The following SUV39H2 variants were observed in gnomAD, a reference collection of about 807,000 sequenced individuals.
SUV39H2 encodes histone-lysine N-methyltransferase SUV39H2.
In SUV39H2, 10 loss-of-function variants were observed where a neutral mutation model predicts 47.5. The ratio of observed to expected loss-of-function variants is 0.21; its 90% CI spans 0.13 to 0.36. The LOEUF is 0.36. SUV39H2 is among the 10% of genes least tolerant of loss of function. The pLI, the probability that SUV39H2 is intolerant of heterozygous loss-of-function variation, is 1.00. For synonymous variants in SUV39H2, 159 were observed against 166.8 expected, an observed-to-expected ratio of 0.95 and a Z score of 0.36; for missense variants, 266 against 487.4, an observed-to-expected ratio of 0.55 and a Z score of 4.28.
chr10:14,895,180 A>ATT lies in SUV39H2; in HGVS notation c.178-1653_178-1652dup, dbSNP rs61175237. On this transcript the variant is annotated intron_variant, in intron 2 of 5. Transcript: ENST00000354919. ...TTTTTATCTTTTATTTTTTACTTTTATTTTTTTTTTTTTTGACATGGAGTC... is the reference window on the plus strand; with the variant it reads ...TTTTTATCTTTTATTTTTTACTTTTATTTTTTTTTTTTTTTTGACATGGAGTC... Among the ~76,000 whole-genome samples, 5 of 139,692 alleles carry ATT rather than the reference A, an allele frequency of 3.6e-5. No individual in the cohort carries two copies. The South Asian group carries it at 9.0e-4, about 25-fold the overall frequency. The allele number at this position is 139,692 out of a possible 152,430, so 91.6% of individuals were successfully genotyped here.
intron 5 of SUV39H2, among the ~76,000 whole-genome samples, chr10:14,902,035 C>G (rs970562812): frequency 2.6e-5 from 4 of 152,078 alleles, no homozygotes; most frequent in Non-Finnish European, 5.9e-5. Flanking sequence ...ATTGTCATTG[C>G]TTAACCTCTT....
At position 14,879,051 on chromosome 10, in the gene SUV39H2, G is replaced by A. The variant is rs982244761; in HGVS notation, c.31+132G>A. 5.7e-5 allele frequency: 75 copies of A among 1,315,934 alleles called. No individual in the cohort carries two copies. The African/African-American group carries it at 9.6e-4, about 17-fold the overall frequency. The allele number at this position is 1,315,934 out of a possible 1,614,324, so 81.5% of individuals were successfully genotyped here. Reference sequence around the variant, plus strand: ...CCCCGCCCGCCGCGACCCCAACTCCGGGACGCACGCTGCGGACGCCTATCC... The same window carrying A: ...CCCCGCCCGCCGCGACCCCAACTCCAGGACGCACGCTGCGGACGCCTATCC... On this transcript the variant is annotated intron_variant, in intron 1 of 5. Transcript: ENST00000354919.
chr10:14,902,348 AT>A, intron 5 of SUV39H2, 57 bp from the exon 6 acceptor site: 1 of 1,259,542 alleles, frequency 7.9e-7, no homozygotes, highest in Non-Finnish European at 1.1e-6. Flanking sequence ...AAAATTTGAA[AT>A]TTATTCTAAA....
intron 2 of SUV39H2, among the ~76,000 whole-genome samples, chr10:14,891,259 G>A (rs914237160): frequency 1.3e-5 from 2 of 152,150 alleles, no homozygotes; most frequent in African/African-American, 4.8e-5. Context: ...CAAAAGGCCT[G>A]GCAAGTTGTT....
Position 14,902,596 on chromosome 10 carries a change from T to G in SUV39H2, c.*84T>G. 1 of 815,304 alleles carries G rather than the reference T, an allele frequency of 1.2e-6. No homozygotes were observed. The highest frequency in any genetic ancestry group is 1.8e-6 in the Non-Finnish European group (1 of 542,540). 50.5% of individuals were successfully genotyped at this position (815,304 alleles called of 1,614,324 possible). On this transcript the variant is annotated 3_prime_UTR_variant, in exon 6 of 6. Coordinates refer to ENST00000354919, the MANE Select transcript of SUV39H2 (RefSeq NM_001193424.2). ...TAAAAATACATATTTGGGACTCTTA[T>G]TATCAAGGTTCTACCTATGTTAATT... is the stretch of plus-strand genomic sequence containing the variant.
At chr10:14,889,701 A>G (rs560344315) in intron 2 of SUV39H2, among the ~76,000 whole-genome samples, 3 of 152,326 alleles carry the variant, frequency 2.0e-5, no homozygotes, top group Non-Finnish European at 4.4e-5. Flanking sequence ...GGGAACCTTG[A>G]GCAAAGTGGA....
chr10:14,898,798 T>A (rs1833785676), intron 3 of SUV39H2: 1 of 158,820 alleles, frequency 6.3e-6, no homozygotes, highest in Non-Finnish European at 1.4e-5. Flanking sequence ...AACAAAACCT[T>A]CCATTCCAAA....
chr10:14,888,450 A>G (rs531057033), intron 2 of SUV39H2, among the ~76,000 whole-genome samples: 20 of 152,008 alleles, frequency 1.3e-4, no homozygotes. Flanking sequence ...CCTGGCCAAC[A>G]TGGTGAAACC....
At chr10:14,883,734 C>CAAAAAAAAAAAA in intron 2 of SUV39H2, among the ~76,000 whole-genome samples, 1 of 133,486 alleles carries the variant, frequency 7.5e-6, no homozygotes, top group Admixed American at 7.6e-5. Flanking sequence ...AAAAAAAAAT[C>CAAAAAAAAAAAA]CCACAGATTT....
At chr10:14,886,042 A>G (rs552366677) in intron 2 of SUV39H2, among the ~76,000 whole-genome samples, 25 of 152,256 alleles carry the variant, frequency 1.6e-4, no homozygotes, top group Non-Finnish European at 2.6e-4. Flanking sequence ...CTCTTGTCAT[A>G]TATCCTATTT....
At chr10:14,879,161 G>T in intron 1 of SUV39H2, 7 of 1,204,050 alleles carry the variant, frequency 5.8e-6, no homozygotes, top group East Asian at 3.4e-5. Flanking sequence ...CACTTCGGAA[G>T]TGGAGCGTGG....
chr10:14,879,346 G>A (rs1333727807), intron 1 of SUV39H2, among the ~76,000 whole-genome samples: 2 of 152,210 alleles, frequency 1.3e-5, no homozygotes, highest in African/African-American at 4.8e-5. Context: ...AGTGGGAGGC[G>A]GGAAGCGACG....
At chr10:14,879,657 C>T (rs1238349377) in intron 1 of SUV39H2, among the ~76,000 whole-genome samples, 1 of 152,024 alleles carries the variant, frequency 6.6e-6, no homozygotes, top group African/African-American at 2.4e-5. Context: ...GTCGCGCACG[C>T]TTTGAGAGCC....
intron 2 of SUV39H2, among the ~76,000 whole-genome samples, chr10:14,885,189 G>C (rs1474131697): frequency 6.6e-6 from 1 of 152,044 alleles, no homozygotes; most frequent in South Asian, 2.1e-4. Context: ...ATCTTTCTGA[G>C]GCCTTGAGCC....
chr10:14,897,018 A>G lies in SUV39H2; in HGVS notation c.350A>G (p.Lys117Arg), dbSNP rs1436796456. ...GKAITPKDNN[K>R]TLKPAIAEYI... ...GCAATAACTCCAAAAGACAATAACAAAACTTTGAAACCTGCCATTGCTGAG... is the reference window on the plus strand; with the variant it reads ...GCAATAACTCCAAAAGACAATAACAGAACTTTGAAACCTGCCATTGCTGAG... Residue 117 changes from lysine to arginine, a missense_variant, in exon 3 of 6, where the codon AAA becomes AGA. Physicochemically the swap from Lys to Arg is conservative, Grantham distance 26. Around this residue, in one of 4 missense-constraint regions of SUV39H2, gnomAD observed 91 missense variants for 110.9 expected, o/e 0.82. Coordinates refer to ENST00000354919, the MANE Select transcript of SUV39H2 (RefSeq NM_001193424.2). The G allele has an allele frequency of 6.2e-7, 1 of 1,614,154 alleles. No homozygotes were observed. The highest frequency in any genetic ancestry group is 1.7e-5 in the Admixed American group (1 of 60,032).
At chr10:14,881,825 A>G (rs1436369174) in intron 2 of SUV39H2, among the ~76,000 whole-genome samples, 180 bp downstream of exon 2, 1 of 152,252 alleles carries the variant, frequency 6.6e-6, no homozygotes, top group East Asian at 1.9e-4. Flanking sequence ...ATTTTGAAGC[A>G]TAAAGTGTTC....
chr10:14,884,230 T>A (rs1833136442), intron 2 of SUV39H2, among the ~76,000 whole-genome samples: 1 of 152,220 alleles, frequency 6.6e-6, no homozygotes, highest in South Asian at 2.1e-4. Flanking sequence ...TGACTCTGTG[T>A]TTAACTGTTT....
At chr10:14,892,794 C>A (rs531727108) in intron 2 of SUV39H2, among the ~76,000 whole-genome samples, 2 of 151,020 alleles carry the variant, frequency 1.3e-5, no homozygotes, top group Admixed American at 6.6e-5. Context: ...TAACTGACAC[C>A]GAAGATAGTT....
At position 14,886,921 on chromosome 10, in the gene SUV39H2, A is replaced by G. The variant is rs1452895354; in HGVS notation, c.177+5276A>G. ...CCAAGTGGAGCCTGAAAAGGCGAGC[A>G]TTGTAATTGACTAGGGCTTCTGTCT... On this transcript the variant is annotated intron_variant, in intron 2 of 5. Coordinates refer to ENST00000354919, the MANE Select transcript of SUV39H2 (RefSeq NM_001193424.2). Among the ~76,000 whole-genome samples the G allele has an allele frequency of 2.6e-5, 4 of 152,250 alleles. No homozygotes were observed. The South Asian group carries it at 6.2e-4, about 24-fold the overall frequency.
Sources: gnomAD v4.1 joint callset for allele counts (sites outside exome capture counted in the v4.1 genomes callset) on GRCh38, gnomAD v4.1.1 for gene constraint, gnomAD v4.1.1 regional missense constraint, MANE v1.5 for transcripts, NCBI Gene and HGNC (gene_info 2026-07-23, HGNC 2026-07-21) for gene names.